The following CEP164 variants were observed in gnomAD, a reference collection of about 807,000 sequenced individuals.
CEP164 encodes the protein centrosomal protein 164.
A neutral mutation model predicts 182.7 loss-of-function variants in CEP164; 162 were observed. The ratio of observed to expected loss-of-function variants is 0.89; its 90% confidence interval spans 0.78 to 1.01. The LOEUF (loss-of-function observed/expected upper bound fraction) is 1.01. Among genes scored for constraint, CEP164 ranks in the 50% least tolerant of loss-of-function variants. The probability of loss-of-function intolerance (pLI) is 0.00; values close to 1 mark genes in which losing one functional copy is unlikely to be tolerated. For synonymous variants in CEP164, 661 were observed against 690.0 expected (o/e 0.96, Z 0.66); for missense variants, 1,735 against 1,790.4 (o/e 0.97, Z 0.56).
chr11:117,388,182 C>T (rs2044170319), intron 15 of CEP164, among the ~76,000 whole-genome samples: 1 of 152,050 alleles, frequency 6.6e-6, no homozygotes, highest in Non-Finnish European at 1.5e-5. Flanking sequence ...TGCCAGCCCA[C>T]CAGTCTCCTC....
intron 15 of CEP164, 113 bp downstream of exon 15, chr11:117,387,525 A>G (rs2044107603): frequency 2.9e-6 from 3 of 1,033,568 alleles, no homozygotes; most frequent in South Asian, 1.6e-5. Context: ...ACTAAGACCA[A>G]CTAAAGTTGG....
rs534258299 is a variant in CEP164, at chr11:117,404,998, C to G, written c.3502-2927C>G. Among the ~76,000 whole-genome samples the G allele has an allele frequency of 9.2e-5, 14 of 152,300 alleles. No homozygotes were observed. In the South Asian group the frequency reaches 2.7e-3, roughly 29 times the overall value. On this transcript the variant is annotated intron_variant, in intron 27 of 32. Coordinates refer to ENST00000278935, the MANE Select transcript of CEP164 (RefSeq NM_014956.5). ...TGGCAAGCCTTAGTAATGGCAGATG[C>G]CCCGCCCCCACCAAGCTCGGGCATC...
chr11:117,368,115 GA>G, intron 8 of CEP164, among the ~76,000 whole-genome samples: 1 of 152,156 alleles, frequency 6.6e-6, no homozygotes, highest in Non-Finnish European at 1.5e-5. Flanking sequence ...GGACAATAGG[GA>G]GCTAATTTGG....
chr11:117,343,901 T>C (rs144750609), intron 3 of CEP164, among the ~76,000 whole-genome samples: 1,699 of 152,318 alleles, frequency 0.011, 14 homozygotes, highest in Non-Finnish European at 0.018. Context: ...AGTGCTGAGA[T>C]TACAGGCATG....
chr11:117,336,984 G>A (rs1310881559), intron 2 of CEP164, among the ~76,000 whole-genome samples: 2 of 152,016 alleles, frequency 1.3e-5, no homozygotes, highest in Non-Finnish European at 2.9e-5. Context: ...GGTAGGGGTG[G>A]GAAGAGAGGA....
At chr11:117,377,223 T>C (rs545020175) in intron 11 of CEP164, among the ~76,000 whole-genome samples, 1 of 152,092 alleles carries the variant, frequency 6.6e-6, no homozygotes, top group African/African-American at 2.4e-5. Context: ...TAGATTCTCA[T>C]GAGGAGTGCG....
At chr11:117,395,056 G>C in intron 22 of CEP164, 53 bp downstream of exon 22, 1 of 1,613,008 alleles carries the variant, frequency 6.2e-7, no homozygotes, top group Non-Finnish European at 8.5e-7. Flanking sequence ...CTCTAGCAGA[G>C]GGCAGGCTCT....
rs1296568363 is a variant in CEP164, at chr11:117,356,432, T to C, written c.393+4444T>C. The C allele has an allele frequency of 6.4e-6, 8 of 1,245,222 alleles. No homozygotes were observed. In the African/African-American group the frequency reaches 1.1e-4, roughly 17 times the overall value. 77.1% of individuals were successfully genotyped at this position (1,245,222 alleles called of 1,614,324 possible). ...CAGAGTCATGGAGAGGGACTCGAGG[T>C]TTCTGTCATGGGAGCCAGAGCTGCT... is the stretch of plus-strand genomic sequence containing the variant. On this transcript the variant is annotated intron_variant, in intron 5 of 32. Coordinates refer to ENST00000278935, the MANE Select transcript of CEP164 (RefSeq NM_014956.5).
chr11:117,363,249 C>T (rs1020726298), intron 7 of CEP164, among the ~76,000 whole-genome samples, 180 bp from the exon 8 acceptor site: 1 of 152,284 alleles, frequency 6.6e-6, no homozygotes, highest in Admixed American at 6.5e-5. Flanking sequence ...GCATAGTTTG[C>T]GCTGGATGGA....
At chr11:117,347,923 A>C (rs1371020687) in intron 4 of CEP164, among the ~76,000 whole-genome samples, 1 of 152,014 alleles carries the variant, frequency 6.6e-6, no homozygotes, top group African/African-American at 2.4e-5. Context: ...AATAAGGACA[A>C]TTTTTTATTC....
chr11:117,356,111 G>C, intron 5 of CEP164: 2 of 1,055,048 alleles, frequency 1.9e-6, no homozygotes, highest in South Asian at 5.7e-5. Context: ...GGGATCTGAG[G>C]AGGGTATGGC....
At chr11:117,354,502 A>G (rs1408144915) in intron 5 of CEP164, among the ~76,000 whole-genome samples, 2 of 152,174 alleles carry the variant, frequency 1.3e-5, no homozygotes, top group Admixed American at 1.3e-4. Flanking sequence ...TGAACTTGGC[A>G]GTGTGGGTCT....
rs1212605243 is a variant in CEP164 at position 117,351,943 on chromosome 11, G to A, written c.348G>A (p.Lys116=). ...CCATTAAGAAGAAGAAAAAAAAAAA[G>A]GAAAAGAAAGACAAGAAGGACAGAG... ...SGAIKKKKKK[K]EKKDKKDRDP... Residue 116 remains lysine, a synonymous_variant, in exon 5 of 33, where the codon AAG becomes AAA. Transcript: ENST00000278935. The A allele has an allele frequency of 1.2e-5, 19 of 1,609,934 alleles. No individual in the cohort carries two copies. The highest frequency in any genetic ancestry group is 1.6e-5 in the Non-Finnish European group (19 of 1,178,150).
rs537055539 is a variant in CEP164 at position 117,322,391 on chromosome 11, G to A, written c.-98+7663G>A. ...CGACCTCCCAAATGCTGGATTTATA[G>A]GCGTGAGCCACCGCGCCCGGCCCAC... is the stretch of plus-strand genomic sequence containing the variant. On this transcript the variant is annotated intron_variant, in intron 1 of 4. Coordinates refer to the CEP164 transcript ENST00000525734. 9.2e-5 allele frequency among the ~76,000 whole-genome samples: 14 copies of A among 152,238 alleles called. No individual in the cohort carries two copies. In the South Asian group the frequency reaches 2.3e-3, roughly 25 times the overall value.
intron 7 of CEP164, 105 bp downstream of exon 7, chr11:117,362,643 C>A: frequency 7.7e-7 from 1 of 1,301,764 alleles, no homozygotes; most frequent in Non-Finnish European, 1.1e-6. Context: ...ATAAAATTTG[C>A]CCTTTTAACC....
intron 5 of CEP164, among the ~76,000 whole-genome samples, chr11:117,353,963 C>T (rs991009748): frequency 6.6e-6 from 1 of 151,750 alleles, no homozygotes; most frequent in African/African-American, 2.4e-5. Context: ...TAAAAAATTT[C>T]CGGGTGTCCT....
Position 117,396,168 on chromosome 11 carries a change from A to T in CEP164, c.3204A>T (p.Lys1068Asn), listed in dbSNP as rs776077240. The T allele has an allele frequency of 6.3e-7, 1 of 1,576,416 alleles. No homozygotes were observed. ...ATCTCCATATTGAGGACCTGAGGAA[A>T]TCCCTTGGAACAGTGAGCTGGGGGC... Reference protein sequence around the residue: ...EPDLHIEDLRKSLGTNQTKEV... With the variant: ...EPDLHIEDLRNSLGTNQTKEV... Residue 1068 changes from lysine to asparagine, a missense_variant, in exon 25 of 33, where the codon AAA becomes AAT. Physicochemically the swap from Lys to Asn is moderately conservative, Grantham distance 94. Coordinates refer to ENST00000278935, the MANE Select transcript of CEP164 (RefSeq NM_014956.5).
chr11:117,391,026 A>G lies in CEP164; in HGVS notation c.2094A>G (p.Lys698=), dbSNP rs1344374500. The G allele has an allele frequency of 1.9e-6, 3 of 1,614,096 alleles. No individual in the cohort carries two copies. Among genetic ancestry groups the G allele is most frequent in the Non-Finnish European group, 2.5e-6 (3 of 1,180,038 alleles). ...CTGAGCAAGAGGCTTCCCTGCAGAA[A>G]CTGAGAGAAGAGTTGGAGTCTCAAC... ...IRAEQEASLQ[K]LREELESQQK... is the part of the protein sequence containing the mutation. The change falls in exon 17 of 33, where the codon AAA becomes AAG. Residue 698 remains lysine (K), a synonymous_variant. Transcript: ENST00000278935.
At chr11:117,352,496 G>C (rs967042139) in intron 5 of CEP164, among the ~76,000 whole-genome samples, 4 of 152,216 alleles carry the variant, frequency 2.6e-5, no homozygotes, top group African/African-American at 9.6e-5. Flanking sequence ...AGATTTGAAA[G>C]AAAAGCCTTG....
Sources: allele counts gnomAD v4.1 joint callset (sites outside exome capture counted in the v4.1 genomes callset), GRCh38; gene constraint gnomAD v4.1.1; transcripts MANE v1.5; gene names NCBI Gene and HGNC (gene_info 2026-07-23, HGNC 2026-07-21).